Variants in DHRS3 observed in about 807,000 individuals in gnomAD.
DHRS3 encodes the protein dehydrogenase/reductase 3, also known as short-chain dehydrogenase/reductase 3.
DHRS3 carries 14 observed loss-of-function variants against 27.2 expected under a neutral mutation model. The ratio of observed to expected loss-of-function variants is 0.52; its 90% confidence interval spans 0.34 to 0.81. The LOEUF (loss-of-function observed/expected upper bound fraction) is 0.81. DHRS3 is among the 30% of genes least tolerant of loss of function. DHRS3 has a pLI of 0.01. For missense variants in DHRS3, 322 were observed against 406.2 expected (o/e 0.79, Z 1.78); for synonymous variants, 165 against 175.9 (o/e 0.94, Z 0.49).
At chr1:12,599,640 T>C (rs1039120972) in intron 1 of DHRS3, among the ~76,000 whole-genome samples, 21 of 152,248 alleles carry the variant, frequency 1.4e-4, no homozygotes, top group African/African-American at 5.1e-4. Flanking sequence ...AGGGTCTTTT[T>C]CCCAAAGGAA....
chr1:12,589,391 C>CT (rs70987258), intron 1 of DHRS3, among the ~76,000 whole-genome samples: 29,046 of 136,328 alleles, frequency 0.21, 3,467 homozygotes, highest in African/African-American at 0.26. Context: ...TTTTCTTTTT[C>CT]TTTTTTTTTT....
chr1:12,593,030 A>C lies in DHRS3; in HGVS notation c.196-12364T>G, dbSNP rs1646759538. Among the ~76,000 whole-genome samples the C allele has an allele frequency of 1.3e-5, 2 of 152,162 alleles. No individual in the cohort carries two copies. The highest frequency in any genetic ancestry group is 4.8e-5 in the African/African-American group (2 of 41,440). The stretch of plus-strand genomic sequence containing the variant: ...CAAGTGGACCCCTCACCTGGTCCCA[A>C]AAGGTCACTTGGCTGCTACCTTTGC... On this transcript the variant is annotated intron_variant, in intron 1 of 5. Coordinates refer to ENST00000616661, the MANE Select transcript of DHRS3 (RefSeq NM_004753.7). The surrounding 1 kb of genome is among the most constrained non-coding windows in gnomAD (Gnocchi z 4.6).
intron 1 of DHRS3, among the ~76,000 whole-genome samples, chr1:12,604,882 A>C (rs7551703): frequency 0.49 from 74,513 of 151,816 alleles, 18,671 homozygotes; most frequent in Admixed American, 0.55. Context: ...AACCCCATCT[A>C]TATTAAAAAT....
At chr1:12,601,497 T>C (rs1203299092) in intron 1 of DHRS3, among the ~76,000 whole-genome samples, 1 of 152,260 alleles carries the variant, frequency 6.6e-6, no homozygotes, top group East Asian at 1.9e-4. Flanking sequence ...TCCTGAGTCC[T>C]GACAGCACTG....
intron 1 of DHRS3, among the ~76,000 whole-genome samples, chr1:12,587,122 A>C (rs1171875728): frequency 1.3e-5 from 2 of 151,844 alleles, no homozygotes; most frequent in South Asian, 2.1e-4. Context: ...TATTTGAATA[A>C]GATAATCTCA....
intron 4 of DHRS3, among the ~76,000 whole-genome samples, 177 bp from the exon 5 acceptor site, chr1:12,573,030 C>T (rs1646553288): frequency 6.6e-6 from 1 of 152,230 alleles, no homozygotes; most frequent in African/African-American, 2.4e-5. Flanking sequence ...TTCCCTCACT[C>T]CTCCAGGCAC....
chr1:12,607,087 A>G (rs1435323537), intron 1 of DHRS3, among the ~76,000 whole-genome samples: 1 of 152,202 alleles, frequency 6.6e-6, no homozygotes, highest in Admixed American at 6.5e-5. Flanking sequence ...AAGTTAGCCA[A>G]AACTTTAACA....
Position 12,592,782 on chromosome 1 carries a change from C to T in DHRS3, c.196-12116G>A, listed in dbSNP as rs539268172. ...CCAGGCTCCCGAGGCTGGGAAGTGA[C>T]GGAGGCTGCTTCCCCTCCACACCAC... On this transcript the variant is annotated intron_variant, in intron 1 of 5. Coordinates refer to ENST00000616661, the MANE Select transcript of DHRS3 (RefSeq NM_004753.7). This position sits in a 1 kb window ranked among gnomAD's most constrained non-coding sequence, Gnocchi z 4.2. Among the ~76,000 whole-genome samples, 14 of 152,332 alleles carry T rather than the reference C, an allele frequency of 9.2e-5. No individual in the cohort carries two copies. In the South Asian group the frequency reaches 1.4e-3, roughly 16 times the overall value.
intron 4 of DHRS3, among the ~76,000 whole-genome samples, chr1:12,576,358 T>A (rs930547978): frequency 3.3e-5 from 5 of 151,762 alleles, no homozygotes; most frequent in Non-Finnish European, 7.4e-5. Flanking sequence ...GTCAGGAGAT[T>A]GAGACCATCC....
Position 12,617,165 on chromosome 1 carries a change from C to G in DHRS3, c.184G>C (p.Gly62Arg). Reference protein sequence around the residue: ...RQLAREFAERGARKIVLWGRT... With the variant: ...RQLAREFAERRARKIVLWGRT... ...GCAGTGCCTGGTACCTTTCTGGCGC[C>G]GCGCTCCGCGAACTCGCGGGCGAGC... Residue 62 changes from glycine to arginine, a missense_variant, in exon 1 of 6, where the codon GGC becomes CGC. By Grantham distance (125) the Gly-to-Arg change is moderately radical. Coordinates refer to ENST00000616661, the MANE Select transcript of DHRS3 (RefSeq NM_004753.7). 6.2e-7 allele frequency: 1 copy of G among 1,611,626 alleles called. No homozygotes were observed. Among genetic ancestry groups the G allele is most frequent in the Non-Finnish European group, 8.5e-7 (1 of 1,179,570 alleles).
Position 12,617,788 on chromosome 1 carries a change from T to TAAAAAAAAA in DHRS3, c.-449_-441dup, listed in dbSNP as rs891272993. On this transcript the variant is annotated 5_prime_UTR_variant, in exon 1 of 6. Coordinates refer to ENST00000616661, the MANE Select transcript of DHRS3 (RefSeq NM_004753.7). Reference sequence around the variant, plus strand: ...GTCCCGCGGTTTCAAAGTGCAAGATTAAAAAAAAAAAAAAAAAAAAAAAAA... The same window carrying TAAAAAAAAA: ...GTCCCGCGGTTTCAAAGTGCAAGATTAAAAAAAAAAAAAAAAAAAAAAAAAAAAAAAAAA... 2.9e-3 allele frequency: 9 copies of TAAAAAAAAA among 3,070 alleles called. 2 individuals are homozygous for TAAAAAAAAA. Among genetic ancestry groups the TAAAAAAAAA allele is most frequent in the Non-Finnish European group, 3.1e-3 (6 of 1,964 alleles). The allele number at this position is 3,070 out of a possible 1,614,324, so 0.2% of individuals were successfully genotyped here.
chr1:12,579,165 T>C, intron 3 of DHRS3, 128 bp downstream of exon 3: 1 of 1,501,164 alleles, frequency 6.7e-7, no homozygotes, highest in Non-Finnish European at 9.1e-7. Context: ...ATTCGTCTTG[T>C]CTGGCCACCT....
intron 1 of DHRS3, among the ~76,000 whole-genome samples, chr1:12,603,783 T>C (rs191740850): frequency 5.9e-5 from 9 of 152,348 alleles, no homozygotes; most frequent in Admixed American, 1.3e-4. Flanking sequence ...GAAGTAGGGA[T>C]GGCCAATGAG....
chr1:12,611,680 G>C (rs5022243), intron 1 of DHRS3, among the ~76,000 whole-genome samples: 94,340 of 151,874 alleles, frequency 0.62, 29,461 homozygotes, highest in African/African-American at 0.67. Context: ...GTTGACTGAT[G>C]TGTAAGACGA....
chr1:12,578,949 T>C lies in DHRS3; in HGVS notation c.467A>G (p.Lys156Arg). The C allele has an allele frequency of 1.9e-6, 3 of 1,612,222 alleles. No homozygotes were observed. The highest frequency in any genetic ancestry group is 2.5e-6 in the Non-Finnish European group (3 of 1,179,876). Residue 156 changes from lysine (K) to arginine (R), a missense_variant, in exon 4 of 6, where the codon AAG becomes AGG. Coordinates refer to ENST00000616661, the MANE Select transcript of DHRS3 (RefSeq NM_004753.7). The surrounding 1 kb of genome is among the most constrained non-coding windows in gnomAD (Gnocchi z 4.5). ...CTCCAGCATACGCGGCAGGAAGGCC[T>C]TGGTGGTCTGAGGGCAGATGGGGTG... ...INTLGQFWTT[K>R]AFLPRMLELQ... is the part of the protein sequence containing the mutation.
At chr1:12,579,443 A>T (rs1195627256) in intron 2 of DHRS3, 31 bp from the exon 3 acceptor site, 5 of 1,611,112 alleles carry the variant, frequency 3.1e-6, no homozygotes, top group Non-Finnish European at 4.2e-6. Context: ...CGGGGCCATG[A>T]GGGCAGCCAG....
intron 5 of DHRS3, among the ~76,000 whole-genome samples, chr1:12,570,782 G>C (rs1206339881): frequency 2.0e-5 from 3 of 152,218 alleles, no homozygotes; most frequent in African/African-American, 7.2e-5. Context: ...AGACGGCTGA[G>C]GAGCATCTCA....
In DHRS3 at chr1:12,578,565, T is replaced by G. The variant is rs778814991; in HGVS notation, c.698+153A>C. ...GATTGCTGGGCTCAAGCGATCCACC[T>G]GCCTTGGCTTCCCAAAATGCTAGGA... On this transcript the variant is annotated intron_variant, in intron 4 of 5. Transcript: ENST00000616661. The surrounding 1 kb of genome is among the most constrained non-coding windows in gnomAD (Gnocchi z 4.5). 5.3e-5 allele frequency among the ~76,000 whole-genome samples: 8 copies of G among 152,210 alleles called. No homozygotes were observed. The highest frequency in any genetic ancestry group is 4.6e-4 in the Admixed American group (7 of 15,286).
At chr1:12,589,391 CTTT>C (rs70987258) in intron 1 of DHRS3, among the ~76,000 whole-genome samples, 5 of 136,388 alleles carry the variant, frequency 3.7e-5, no homozygotes, top group Admixed American at 7.4e-5. Context: ...TTTTCTTTTT[CTTT>C]TTTTTTTTTT....
Sources: gnomAD v4.1 joint callset for allele counts (sites outside exome capture counted in the v4.1 genomes callset) on GRCh38, gnomAD v4.1.1 for gene constraint, Gnocchi (gnomAD v3.1) non-coding constraint, MANE v1.5 for transcripts, NCBI Gene and HGNC (gene_info 2026-07-23, HGNC 2026-07-21) for gene names.